Variants in SLC4A1AP observed in about 807,000 individuals in gnomAD.
SLC4A1AP encodes solute carrier family 4 member 1 adaptor protein, also known as kanadaptin.
Under a neutral mutation model 89.7 loss-of-function variants are expected in SLC4A1AP, and 64 were observed. The ratio of observed to expected loss-of-function variants is 0.71; its 90% CI spans 0.58 to 0.88. SLC4A1AP has a LOEUF of 0.88. SLC4A1AP is among the 40% of genes least tolerant of loss of function. The pLI is 0.00. For synonymous variants in SLC4A1AP, 366 were observed against 353.3 expected, an observed-to-expected ratio of 1.04 and a Z score of -0.40; for missense variants, 931 against 965.0, an observed-to-expected ratio of 0.96 and a Z score of 0.47.
At chr2:27,672,504 G>T (rs1266526710) in intron 5 of SLC4A1AP, among the ~76,000 whole-genome samples, 1 of 151,954 alleles carries the variant, frequency 6.6e-6, no homozygotes, top group African/African-American at 2.4e-5. Flanking sequence ...TTTTTGAATT[G>T]TCCTTTTTAA....
At chr2:27,684,224 G>A (rs1675667809) in intron 9 of SLC4A1AP, among the ~76,000 whole-genome samples, 1 of 151,892 alleles carries the variant, frequency 6.6e-6, no homozygotes, top group Non-Finnish European at 1.5e-5. Flanking sequence ...CTCACTAGTC[G>A]AGACCAGCCT....
chr2:27,668,623 T>G (rs982931190), intron 3 of SLC4A1AP: 3 of 681,612 alleles, frequency 4.4e-6, no homozygotes, highest in Non-Finnish European at 8.1e-6. Flanking sequence ...CTAATTTCTG[T>G]ATTTTTTGTA....
At chr2:27,693,423 C>A in intron 12 of SLC4A1AP, 1 of 418,988 alleles carries the variant, frequency 2.4e-6, no homozygotes. Flanking sequence ...TGCATGCCAA[C>A]CTTTTGTTTT....
In SLC4A1AP at chr2:27,663,965, TGG is replaced by T. The variant is rs1675248505; in HGVS notation, c.216_217del (p.Asp73LeufsTer15). On this transcript the variant is annotated frameshift_variant, in exon 1 of 14. Transcript: ENST00000613058. LOFTEE classifies it high-confidence loss of function. ...AGACCCTGGCGTCGCAAGACCTCAG[TGG>T]GGACTTCAAGAAGCCAGCTCTGCCG... is the stretch of plus-strand genomic sequence containing the variant. The T allele has an allele frequency of 6.2e-7, 1 of 1,614,040 alleles. No individual in the cohort carries two copies. Among genetic ancestry groups the T allele is most frequent in the African/African-American group, 1.3e-5 (1 of 74,914 alleles).
intron 2 of SLC4A1AP, among the ~76,000 whole-genome samples, chr2:27,666,868 TATA>T (rs200135775): frequency 0.038 from 2,331 of 61,856 alleles, 35 homozygotes; most frequent in African/African-American, 0.093. Context: ...TATATATATA[TATA>T]TTTTTTTTTT....
intron 2 of SLC4A1AP, among the ~76,000 whole-genome samples, chr2:27,666,359 A>ACCCCCCCCCCCC (rs1553363258): frequency 3.0e-4 from 1 of 3,360 alleles, no homozygotes; most frequent in African/African-American, 5.7e-4. Context: ...TCCACCCCCC[A>ACCCCCCCCCCCC]CCCCCCCCCC....
intron 7 of SLC4A1AP, 115 bp from the exon 8 acceptor site, chr2:27,677,623 C>A: frequency 1.2e-6 from 1 of 824,372 alleles, no homozygotes; most frequent in Non-Finnish European, 1.9e-6. Context: ...ATTCCTATTA[C>A]TAGTGATGTC....
At chr2:27,673,003 A>G (rs1000437089) in intron 5 of SLC4A1AP, among the ~76,000 whole-genome samples, 2 of 147,492 alleles carry the variant, frequency 1.4e-5, no homozygotes, top group Non-Finnish European at 3.0e-5. Context: ...GTCAACTCGT[A>G]ATCCAAAGGC....
chr2:27,667,381 G>C (rs1249104576), exon 3 of SLC4A1AP: 1 of 1,611,946 alleles, frequency 6.2e-7, no homozygotes, highest in East Asian at 2.2e-5. Flanking sequence ...AGGCTTTTTT[G>C]ACCGAGAAGG....
chr2:27,688,103 G>T, intron 11 of SLC4A1AP, 83 bp downstream of exon 11: 1 of 1,098,942 alleles, frequency 9.1e-7, no homozygotes, highest in Non-Finnish European at 1.4e-6. Context: ...CAGCTGACCT[G>T]AAGGCAGCAC....
intron 12 of SLC4A1AP, among the ~76,000 whole-genome samples, 183 bp downstream of exon 12, chr2:27,688,950 A>G (rs1282148738): frequency 1.3e-5 from 2 of 152,156 alleles, no homozygotes; most frequent in Non-Finnish European, 2.9e-5. Context: ...TCTTTTCCCT[A>G]TAACTGCTCA....
intron 2 of SLC4A1AP, 140 bp from the exon 3 acceptor site, chr2:27,667,128 C>G: frequency 1.2e-6 from 1 of 837,754 alleles, no homozygotes; most frequent in East Asian, 2.9e-5. Flanking sequence ...CTTGGCCTCC[C>G]AAAGTGCTGG....
chr2:27,686,405 G>A (rs1008475057), intron 10 of SLC4A1AP, among the ~76,000 whole-genome samples: 2 of 152,194 alleles, frequency 1.3e-5, no homozygotes, highest in Non-Finnish European at 2.9e-5. Context: ...TTGTTTAACA[G>A]ACCAAAGTAA....
intron 9 of SLC4A1AP, among the ~76,000 whole-genome samples, chr2:27,684,577 T>C (rs77532628): frequency 0.036 from 5,480 of 152,350 alleles, 135 homozygotes; most frequent in Middle Eastern, 0.065. Context: ...TCTTCCTCCT[T>C]TTCTTCAGGA....
chr2:27,678,532 C>CA (rs111307930), intron 8 of SLC4A1AP, among the ~76,000 whole-genome samples: 4 of 145,666 alleles, frequency 2.7e-5, no homozygotes, highest in Non-Finnish European at 6.1e-5. Context: ...GTTCCTGTCT[C>CA]AAAAAAAAAA....
At position 27,688,034 on chromosome 2, in the gene SLC4A1AP, C is replaced by T. The variant is rs1181993905; in HGVS notation, c.2203+14C>T. The stretch of plus-strand genomic sequence containing the variant: ...CAGGACCCTCAGGCAAGTAGTACGG[C>T]AGCCTTCATTGCTGCTCTGCACACA... On this transcript the variant is annotated intron_variant, in intron 11 of 13. Transcript: ENST00000613058. 9 of 1,608,604 alleles carry T rather than the reference C, an allele frequency of 5.6e-6. No homozygotes were observed. In the East Asian group the frequency reaches 6.7e-5, roughly 12 times the overall value.
At chr2:27,694,224 GA>G (rs1341889633) in intron 13 of SLC4A1AP, among the ~76,000 whole-genome samples, 2 of 151,622 alleles carry the variant, frequency 1.3e-5, no homozygotes, top group African/African-American at 4.8e-5. Context: ...AGCATCTATA[GA>G]AAAAAAATCA....
chr2:27,693,763 T>C lies in SLC4A1AP; in HGVS notation c.2341+9T>C. 2 of 1,597,900 alleles carry C rather than the reference T, an allele frequency of 1.3e-6. No individual in the cohort carries two copies. Among genetic ancestry groups the C allele is most frequent in the East Asian group, 4.5e-5 (2 of 44,742 alleles). ...GTGGGTCCCACCTGAAGGTAGATTG[T>C]TTTTACTTTTTTTTCCTCTAAGGTT... On this transcript the variant is annotated intron_variant, in intron 13 of 13. Coordinates refer to ENST00000613058, the Ensembl canonical transcript of SLC4A1AP.
intron 12 of SLC4A1AP, among the ~76,000 whole-genome samples, chr2:27,689,066 CA>C (rs1295322765): frequency 6.6e-6 from 1 of 152,138 alleles, no homozygotes; most frequent in Non-Finnish European, 1.5e-5. Context: ...TTTTATTACA[CA>C]AAAGGTAGGA....
Sources: gnomAD v4.1 joint callset for allele counts (sites outside exome capture counted in the v4.1 genomes callset) on GRCh38, gnomAD v4.1.1 for gene constraint, MANE v1.5 for transcripts, NCBI Gene and HGNC (gene_info 2026-07-23, HGNC 2026-07-21) for gene names.